Variants in ARRDC1 observed in about 807,000 individuals in gnomAD.
ARRDC1 encodes the protein arrestin domain containing 1, also known as arrestin domain-containing protein 1.
A neutral mutation model predicts 40.1 loss-of-function variants in ARRDC1; 37 were observed. That is an observed-to-expected ratio of 0.92 (90% CI 0.71 to 1.21). ARRDC1 has a LOEUF of 1.21. ARRDC1 is among the 50% of genes most tolerant of loss of function. ARRDC1 has a pLI of 0.00. For synonymous variants in ARRDC1, 310 were observed against 262.5 expected, an observed-to-expected ratio of 1.18 and a Z score of -1.75; for missense variants, 641 against 581.9, an observed-to-expected ratio of 1.10 and a Z score of -1.04.
intron 1 of ARRDC1, among the ~76,000 whole-genome samples, chr9:137,609,155 C>G (rs776250686): frequency 1.1e-4 from 17 of 152,150 alleles, no homozygotes; most frequent in Non-Finnish European, 2.9e-5. Context: ...CACTCTTTGC[C>G]AGAACCTCGT....
chr9:137,613,858 C>T, intron 4 of ARRDC1, 89 bp downstream of exon 4: 2 of 1,565,940 alleles, frequency 1.3e-6, no homozygotes, highest in Non-Finnish European at 8.7e-7. Context: ...ATCCCAGCGT[C>T]CTGTCCCCAG....
intron 1 of ARRDC1, among the ~76,000 whole-genome samples, chr9:137,610,400 T>G (rs1842494058): frequency 6.6e-6 from 1 of 152,050 alleles, no homozygotes; most frequent in Non-Finnish European, 1.5e-5. Context: ...CATTTTTCTT[T>G]TTTTTTTCTT....
At position 137,612,964 on chromosome 9, in the gene ARRDC1, G is replaced by C; in HGVS notation, c.187G>C (p.Glu63Gln). 1 of 1,614,000 alleles carries C rather than the reference G, an allele frequency of 6.2e-7. No homozygotes were observed. Among genetic ancestry groups the C allele is most frequent in the Non-Finnish European group, 8.5e-7 (1 of 1,179,890 alleles). Residue 63 changes from glutamate (E) to glutamine (Q), a missense_variant, in exon 2 of 8, where the codon GAG (glutamate) becomes CAG (glutamine). Transcript: ENST00000371421. ...NKANDTAWVV[E>Q]EGYFNSSLSL... is the part of the protein sequence containing the mutation. ...GGCTAATGACACAGCGTGGGTAGTG[G>C]AGGAGGGTTACTTCAACAGTTCCCT...
chr9:137,608,304 T>C (rs2480115), intron 1 of ARRDC1, among the ~76,000 whole-genome samples: 4,124 of 152,180 alleles, frequency 0.027, 196 homozygotes, highest in African/African-American at 0.093. Context: ...TAAACCTGCA[T>C]GGGGGAGGAG....
At chr9:137,613,922 ACTG>A in intron 4 of ARRDC1, 107 bp from the exon 5 acceptor site, 1 of 1,539,784 alleles carries the variant, frequency 6.5e-7, no homozygotes, top group Non-Finnish European at 8.8e-7. Context: ...CCCTGAGCTG[ACTG>A]CTGATGTCCA....
chr9:137,612,731 G>A (rs111801937), intron 1 of ARRDC1, 165 bp from the exon 2 acceptor site: 6,251 of 593,120 alleles, frequency 0.011, 194 homozygotes, highest in African/African-American at 0.069. Context: ...CAAGACAGGA[G>A]ATGGGCAGAT....
At chr9:137,613,436 C>A (rs374382325) in intron 2 of ARRDC1, 24 bp from the exon 3 acceptor site, 19 of 1,606,940 alleles carry the variant, frequency 1.2e-5, no homozygotes, top group Non-Finnish European at 1.6e-5. Context: ...GGGACTGCCC[C>A]CCACCTCCCT....
At position 137,614,981 on chromosome 9, in the gene ARRDC1, T is replaced by A. The variant is rs776819816; in HGVS notation, c.1218T>A (p.Ser406Arg). The change falls in exon 7 of 8, where the codon AGT becomes AGA. Residue 406 changes from serine (S) to arginine (R), a missense_variant. Ser to Arg is a moderately radical substitution (Grantham distance 110). Transcript: ENST00000371421. ...CCTTGATTCTTCCTCCAGAGTACAG[T>A]TCTTGGGGCTACCCCTATGGTGAGT... The part of the protein sequence containing the change: ...TSTLILPPEY[S>R]SWGYPYEAPP... 1.2e-6 allele frequency: 2 copies of A among 1,613,616 alleles called. No homozygotes were observed. Among genetic ancestry groups the A allele is most frequent in the South Asian group, 1.1e-5 (1 of 91,056 alleles).
At position 137,605,835 on chromosome 9, in the gene ARRDC1, G is replaced by C; in HGVS notation, c.118G>C (p.Ala40Pro). Residue 40 changes from alanine to proline, a missense_variant and splice_region_variant, in exon 1 of 8, where the codon GCC (alanine) becomes CCC (proline). Transcript: ENST00000371421. The stretch of plus-strand genomic sequence containing the variant: ...CCTGGGGGCACCGCTGCCGTTCCGA[G>C]GTGGGCGCGGGTCCTCGGGGAGGGC... ...VRLGAPLPFR[A>P]IRVTCIGSCG... 2.4e-6 allele frequency: 3 copies of C among 1,249,418 alleles called. No homozygotes were observed. The highest frequency in any genetic ancestry group is 3.0e-6 in the Non-Finnish European group (3 of 995,092). The allele number at this position is 1,249,418 out of a possible 1,614,324, so 77.4% of individuals were successfully genotyped here. A position where few individuals can be genotyped will look rare whatever the true frequency, so the allele number is the denominator to read the frequency against.
intron 2 of ARRDC1, chr9:137,613,232 G>T: frequency 2.7e-6 from 2 of 737,278 alleles, no homozygotes; most frequent in Non-Finnish European, 4.7e-6. Context: ...CCCTGGCACA[G>T]CTGTTTCACC....
intron 1 of ARRDC1, among the ~76,000 whole-genome samples, chr9:137,607,396 G>C (rs1247161141): frequency 6.6e-6 from 1 of 152,230 alleles, no homozygotes; most frequent in Non-Finnish European, 1.5e-5. Flanking sequence ...TTACTCTGCC[G>C]ATGAGTGTCG....
In ARRDC1 at chr9:137,613,688, A is replaced by T; in HGVS notation, c.354A>T (p.Pro118=). The T allele has an allele frequency of 5.0e-6, 8 of 1,614,192 alleles. No individual in the cohort carries two copies. The highest frequency in any genetic ancestry group is 5.9e-6 in the Non-Finnish European group (7 of 1,180,038). The part of the protein sequence containing the change: ...VHQVRAAIHT[P]RFSKDHKCSL... ...AGGTGAGGGCCGCCATCCACACGCC[A>T]CGGTTTTCCAAGGATCACAAGTGCA... The change falls in exon 4 of 8, where the codon CCA becomes CCT. Residue 118 remains proline, a synonymous_variant. Coordinates refer to ENST00000371421, the MANE Select transcript of ARRDC1 (RefSeq NM_152285.4).
At chr9:137,612,531 G>A (rs1447260825) in intron 1 of ARRDC1, 3 of 262,346 alleles carry the variant, frequency 1.1e-5, no homozygotes, top group Non-Finnish European at 2.2e-5. Flanking sequence ...TGCGCCCCTT[G>A]GTGTGTCCCG....
rs769591479 is a variant in ARRDC1, at chr9:137,615,322, G to T, written c.*184G>T. 1.3e-5 allele frequency: 8 copies of T among 596,774 alleles called. No individual in the cohort carries two copies. 37.0% of individuals were successfully genotyped at this position (596,774 alleles called of 1,614,324 possible). ...GGGGGTGGCAGGGAGCTGGGACCTG[G>T]AGAGACAACTCCTGTAAATAAAACA... On this transcript the variant is annotated 3_prime_UTR_variant, in exon 8 of 8. Coordinates refer to ENST00000371421, the MANE Select transcript of ARRDC1 (RefSeq NM_152285.4).
intron 4 of ARRDC1, 91 bp downstream of exon 4, chr9:137,613,860 T>C (rs1842593762): frequency 1.4e-5 from 22 of 1,557,784 alleles, no homozygotes; most frequent in South Asian, 4.7e-5. Context: ...CCCAGCGTCC[T>C]GTCCCCAGCT....
rs754081063 is a variant in ARRDC1, at chr9:137,614,470, T to C, written c.790T>C (p.Leu264=). ...CAGCCTCATCCACATCGACTACTAC[T>C]TACAGGTTTGGTGCTGCTGGGGGCT... The part of the protein sequence containing the change: ...GCSLIHIDYY[L]QVSLKAPEAT... The change falls in exon 6 of 8, where the codon TTA becomes CTA. Residue 264 remains leucine, a synonymous_variant. Transcript: ENST00000371421. The C allele has an allele frequency of 1.2e-6, 2 of 1,613,176 alleles. No homozygotes were observed. Among genetic ancestry groups the C allele is most frequent in the African/African-American group, 1.3e-5 (1 of 74,916 alleles).
intron 1 of ARRDC1, among the ~76,000 whole-genome samples, chr9:137,608,662 T>C (rs900627361): frequency 3.9e-5 from 6 of 152,216 alleles, no homozygotes; most frequent in African/African-American, 1.4e-4. Flanking sequence ...CCGCTGCCAT[T>C]GGCCTGGCCA....
intron 2 of ARRDC1, 59 bp downstream of exon 2, chr9:137,613,065 CCTGT>C (rs1171269979): frequency 3.3e-6 from 4 of 1,207,214 alleles, no homozygotes; most frequent in East Asian, 2.4e-5. Flanking sequence ...TGGAGTGGGG[CCTGT>C]CTGTCCTGTC....
In ARRDC1 at chr9:137,614,677, C is replaced by T. The variant is rs373572571; in HGVS notation, c.914C>T (p.Pro305Leu). The T allele has an allele frequency of 1.9e-6, 3 of 1,612,188 alleles. No homozygotes were observed. The highest frequency in any genetic ancestry group is 1.3e-5 in the African/African-American group (1 of 74,852). ...CTGGGGCTGCCTCCTGGGGCCCCACCCCTGGTGGTGCCTTCCGCACCACCC... is the reference window on the plus strand; with the variant it reads ...CTGGGGCTGCCTCCTGGGGCCCCACTCCTGGTGGTGCCTTCCGCACCACCC... ...PGLGLPPGAPPLVVPSAPPQE... is the reference protein window; with the variant it reads ...PGLGLPPGAPLLVVPSAPPQE... Residue 305 changes from proline to leucine, a missense_variant, in exon 7 of 8, where the codon CCC (proline) becomes CTC (leucine). Coordinates refer to ENST00000371421, the MANE Select transcript of ARRDC1 (RefSeq NM_152285.4).
Sources: allele counts gnomAD v4.1 joint callset (sites outside exome capture counted in the v4.1 genomes callset), GRCh38; gene constraint gnomAD v4.1.1; transcripts MANE v1.5; gene names NCBI Gene and HGNC (gene_info 2026-07-23, HGNC 2026-07-21).